Variants in CNTLN observed in about 807,000 individuals in gnomAD.
CNTLN encodes the protein centlein, centrosomal protein.
Under a neutral mutation model 180.0 loss-of-function variants are expected in CNTLN, and 212 were observed. The observed-to-expected ratio is 1.18, with a 90% confidence interval of 1.05 to 1.32. The LOEUF (loss-of-function observed/expected upper bound fraction) is 1.32, where lower values mean the gene tolerates loss of function less well. Ranked by LOEUF, CNTLN falls within the 40% of genes most tolerant of loss-of-function variation. The probability of loss-of-function intolerance (pLI) is 0.00; values close to 1 mark genes in which losing one functional copy is unlikely to be tolerated. For synonymous variants in CNTLN, 722 were observed against 563.1 expected (o/e 1.28, Z -3.99); for missense variants, 2,095 against 1,610.9 (o/e 1.30, Z -5.14).
At chr9:17,220,449 G>T (rs570295231) in intron 2 of CNTLN, among the ~76,000 whole-genome samples, 1 of 152,184 alleles carries the variant, frequency 6.6e-6, no homozygotes, top group Non-Finnish European at 1.5e-5. Context: ...GTGCAGGTTT[G>T]TAATGTAGTT....
At chr9:17,319,373 C>G (rs530751438) in intron 8 of CNTLN, among the ~76,000 whole-genome samples, 2 of 152,094 alleles carry the variant, frequency 1.3e-5, no homozygotes, top group African/African-American at 4.8e-5. Context: ...GCTGGTCTAG[C>G]GATCATACTT....
At chr9:17,352,410 A>T (rs796960337) in intron 12 of CNTLN, among the ~76,000 whole-genome samples, 10 of 19,908 alleles carry the variant, frequency 5.0e-4, no homozygotes, top group Admixed American at 3.7e-3. Flanking sequence ...ATATATATAT[A>T]TATATATTTT....
chr9:17,278,482 T>G (rs1828457119), intron 6 of CNTLN, among the ~76,000 whole-genome samples: 1 of 152,206 alleles, frequency 6.6e-6, no homozygotes, highest in Admixed American at 6.5e-5. Context: ...AGTCTACCTC[T>G]GTGTCTTTCC....
chr9:17,212,450 G>T (rs1334997873), intron 2 of CNTLN, among the ~76,000 whole-genome samples: 2 of 152,140 alleles, frequency 1.3e-5, no homozygotes, highest in African/African-American at 2.4e-5. Flanking sequence ...TGCTGGATTT[G>T]GTTTGCCAGT....
chr9:17,397,613 A>G (rs1826638136), intron 15 of CNTLN, among the ~76,000 whole-genome samples: 1 of 152,100 alleles, frequency 6.6e-6, no homozygotes, highest in Non-Finnish European at 1.5e-5. Flanking sequence ...TCTTGTGCCG[A>G]CTTCCTATCT....
chr9:17,425,317 C>T (rs941021463), intron 18 of CNTLN, among the ~76,000 whole-genome samples: 1 of 151,818 alleles, frequency 6.6e-6, no homozygotes, highest in African/African-American at 2.4e-5. Flanking sequence ...GGTTAGTGTC[C>T]TAATAATAAT....
chr9:17,471,311 G>A (rs1015870207), intron 23 of CNTLN, among the ~76,000 whole-genome samples: 4 of 151,872 alleles, frequency 2.6e-5, no homozygotes, highest in South Asian at 2.1e-4. Flanking sequence ...GACATGTATC[G>A]CAGACAAAGA....
At chr9:17,508,719 A>T (rs148208888), downstream of CNTLN, among the ~76,000 whole-genome samples, 70 of 152,352 alleles carry the variant, frequency 4.6e-4, no homozygotes, top group African/African-American at 1.6e-3. Context: ...CTTGAAATCC[A>T]TCTAAATCAT....
At chr9:17,237,958 A>G (rs959388422) in intron 5 of CNTLN, among the ~76,000 whole-genome samples, 11 of 152,150 alleles carry the variant, frequency 7.2e-5, no homozygotes, top group African/African-American at 2.7e-4. Flanking sequence ...GTGCAGCATT[A>G]AAACAAATTG....
intron 2 of CNTLN, among the ~76,000 whole-genome samples, chr9:17,182,497 G>T (rs996315595): frequency 6.6e-6 from 1 of 152,162 alleles, no homozygotes; most frequent in Non-Finnish European, 1.5e-5. Context: ...TGTGTTCTGA[G>T]GGAGGAATCA....
At chr9:17,415,697 T>C (rs1828168070) in intron 16 of CNTLN, 91 bp from the exon 17 acceptor site, 1 of 877,146 alleles carries the variant, frequency 1.1e-6, no homozygotes, top group Middle Eastern at 3.6e-4. Flanking sequence ...TAAACAATTG[T>C]ATTTTTTAAG....
chr9:17,434,189 C>G (rs192926475), intron 18 of CNTLN, among the ~76,000 whole-genome samples: 83 of 152,042 alleles, frequency 5.5e-4, no homozygotes, highest in African/African-American at 2.0e-3. Context: ...TTTTCAAGAG[C>G]CAGCTTTTTG....
chr9:17,382,221 C>T (rs1825312698), intron 13 of CNTLN, among the ~76,000 whole-genome samples: 1 of 152,146 alleles, frequency 6.6e-6, no homozygotes, highest in South Asian at 2.1e-4. Flanking sequence ...TTCAGATTGT[C>T]CTTATTAAAT....
In CNTLN at chr9:17,457,686, G is replaced by A. The variant is rs775817746; in HGVS notation, c.3277G>A (p.Glu1093Lys). ...TAGTCCTTCAAGGAGCATGGATTTGGAAATGAAGCAATTGCAGTATAAACT... is the reference window on the plus strand; with the variant it reads ...TAGTCCTTCAAGGAGCATGGATTTGAAAATGAAGCAATTGCAGTATAAACT... ...SLSPSRSMDL[E>K]MKQLQYKLKN... Residue 1093 changes from glutamate (E) to lysine (K), a missense_variant, in exon 19 of 26, where the codon GAA becomes AAA. Glu to Lys is a moderately conservative substitution (Grantham distance 56). Coordinates refer to ENST00000380647, the MANE Select transcript of CNTLN (RefSeq NM_017738.4). 7 of 1,500,316 alleles carry A rather than the reference G, an allele frequency of 4.7e-6. No individual in the cohort carries two copies. The highest frequency in any genetic ancestry group is 5.3e-6 in the Non-Finnish European group (6 of 1,122,656). The allele number at this position is 1,500,316 out of a possible 1,614,324, so 92.9% of individuals were successfully genotyped here.
chr9:17,135,531 C>A, intron 1 of CNTLN, 106 bp downstream of exon 1: 1 of 1,373,178 alleles, frequency 7.3e-7, no homozygotes, highest in East Asian at 2.6e-5. Flanking sequence ...CGCCCAGCGA[C>A]GCTCCCTGGC....
At chr9:17,279,102 T>A (rs1828500906) in intron 6 of CNTLN, among the ~76,000 whole-genome samples, 1 of 152,114 alleles carries the variant, frequency 6.6e-6, no homozygotes, top group African/African-American at 2.4e-5. Context: ...TATTTTTTTT[T>A]AAACTACATT....
chr9:17,394,470 A>G (rs1826337162), intron 14 of CNTLN, 64 bp from the exon 15 acceptor site: 1 of 1,100,344 alleles, frequency 9.1e-7, no homozygotes, highest in Non-Finnish European at 1.3e-6. Flanking sequence ...TAAGTTAGAA[A>G]TGGTAATAAA....
At position 17,143,312 on chromosome 9, in the gene CNTLN, T is replaced by C; in HGVS notation, c.385T>C (p.Leu129=). 6.2e-7 allele frequency: 1 copy of C among 1,613,570 alleles called. No individual in the cohort carries two copies. Among genetic ancestry groups the C allele is most frequent in the Non-Finnish European group, 8.5e-7 (1 of 1,179,654 alleles). ...CQADKEFVWS[L]WKRLQVTNPD... is the part of the protein sequence containing the mutation. ...GGCTGATAAAGAATTTGTATGGTCT[T>C]TGTGGAAACGTCTCCAGGTTACAAA... The change falls in exon 2 of 26, where the codon TTG becomes CTG. Residue 129 remains leucine, a synonymous_variant. Transcript: ENST00000380647.
chr9:17,306,073 G>A (rs1587596215), intron 7 of CNTLN, among the ~76,000 whole-genome samples: 1 of 151,668 alleles, frequency 6.6e-6, no homozygotes, highest in Admixed American at 6.6e-5. Context: ...CTTCTGAATA[G>A]GAATGCAACT....
Sources: allele counts gnomAD v4.1 joint callset (sites outside exome capture counted in the v4.1 genomes callset), GRCh38; gene constraint gnomAD v4.1.1; transcripts MANE v1.5; gene names NCBI Gene and HGNC (gene_info 2026-07-23, HGNC 2026-07-21).